The following RRBP1 variants were observed in gnomAD, a reference collection of about 807,000 sequenced individuals.
RRBP1 encodes the protein ribosome-binding protein 1.
A neutral mutation model predicts 165.2 loss-of-function variants in RRBP1; 94 were observed. The ratio of observed to expected loss-of-function variants is 0.57; its 90% CI spans 0.48 to 0.68. The LOEUF (loss-of-function observed/expected upper bound fraction) is 0.68, where lower values mean the gene tolerates loss of function less well. Ranked by LOEUF, RRBP1 falls within the 30% of genes least tolerant of loss-of-function variation. The pLI is 0.00. For missense variants in RRBP1, 1,676 were observed against 1,763.0 expected (o/e 0.95, Z 0.88); for synonymous variants, 680 against 714.5 (o/e 0.95, Z 0.77).
intron 3 of RRBP1, among the ~76,000 whole-genome samples, chr20:17,655,904 G>A (rs1017708414): frequency 3.3e-5 from 5 of 152,268 alleles, no homozygotes; most frequent in South Asian, 4.1e-4. Context: ...CATGTGGTAC[G>A]TGGGACCCAC....
Sources: gnomAD v4.1 joint callset for allele counts (sites outside exome capture counted in the v4.1 genomes callset) on GRCh38, gnomAD v4.1.1 for gene constraint, MANE v1.5 for transcripts, NCBI Gene and HGNC (gene_info 2026-07-23, HGNC 2026-07-21) for gene names.